The following GPR139 variants were observed in gnomAD, a reference collection of about 807,000 sequenced individuals.
GPR139 encodes probable G protein-coupled receptor 139.
GPR139 carries 12 observed loss-of-function variants against 25.8 expected under a neutral mutation model. The observed-to-expected ratio is 0.47, with a 90% CI of 0.30 to 0.75. The LOEUF (loss-of-function observed/expected upper bound fraction) is 0.75. Among genes scored for constraint, GPR139 ranks in the 30% least tolerant of loss-of-function variants. The pLI is 0.07. For missense variants in GPR139, 380 were observed against 450.2 expected (o/e 0.84, Z 1.41); for synonymous variants, 184 against 179.9 (o/e 1.02, Z -0.18).
chr16:20,062,790 A>G (rs959215553), intron 1 of GPR139, among the ~76,000 whole-genome samples: 1 of 152,258 alleles, frequency 6.6e-6, no homozygotes, highest in Non-Finnish European at 1.5e-5. Context: ...GATAATTTTA[A>G]CAATATATTT....
chr16:20,055,884 C>G (rs1037734277), intron 1 of GPR139, among the ~76,000 whole-genome samples: 14 of 152,206 alleles, frequency 9.2e-5, no homozygotes, highest in African/African-American at 2.9e-4. Flanking sequence ...CCTCAGTTTT[C>G]TCATCTGTAG....
chr16:20,044,994 ATTTT>A (rs10581585), intron 1 of GPR139, among the ~76,000 whole-genome samples: 13 of 86,300 alleles, frequency 1.5e-4, no homozygotes, highest in South Asian at 9.0e-4. Context: ...CACTTGCACT[ATTTT>A]TTTTTTTTTT....
At chr16:20,042,606 A>G (rs2057340183) in intron 1 of GPR139, among the ~76,000 whole-genome samples, 1 of 152,162 alleles carries the variant, frequency 6.6e-6, no homozygotes. Flanking sequence ...TGTCTCTTGC[A>G]TCCTCTGAAA....
rs777375776 is a variant in GPR139 at position 20,032,209 on chromosome 16, G to A, written c.588C>T (p.Cys196=). The A allele has an allele frequency of 1.2e-6, 2 of 1,614,106 alleles. No homozygotes were observed. Among genetic ancestry groups the A allele is most frequent in the African/African-American group, 2.7e-5 (2 of 74,930 alleles). The part of the protein sequence containing the change: ...IHCFTVYLVP[C]SIFFILNSII... ...TTGAGTTCAAGATGAAGAAGATGGA[G>A]CAGGGCACCAGGTAGACGGTGAAGC... The change falls in exon 2 of 2, where the codon TGC becomes TGT. Residue 196 remains cysteine, a synonymous_variant. Coordinates refer to ENST00000570682, the MANE Select transcript of GPR139 (RefSeq NM_001002911.4).
intron 1 of GPR139, among the ~76,000 whole-genome samples, chr16:20,071,707 G>A (rs1242858545): frequency 6.6e-6 from 1 of 152,130 alleles, no homozygotes; most frequent in African/African-American, 2.4e-5. Flanking sequence ...GGGATGTGAA[G>A]GTGCGAGGTA....
rs572767034 is a variant in GPR139 at position 20,030,203 on chromosome 16, A to G, written c.*1532T>C. Among the ~76,000 whole-genome samples, 1 of 152,316 alleles carries G rather than the reference A, an allele frequency of 6.6e-6. No individual in the cohort carries two copies. The highest frequency in any genetic ancestry group is 1.5e-5 in the Non-Finnish European group (1 of 68,030). On this transcript the variant is annotated 3_prime_UTR_variant, in exon 2 of 2. Transcript: ENST00000570682. ...GCAAATTCCCTTAAAAAAGATAGAC[A>G]TGTCTTCCAACTTAGGGACAAAATG...
chr16:20,053,368 G>A (rs1567238382), intron 1 of GPR139, among the ~76,000 whole-genome samples: 2 of 152,162 alleles, frequency 1.3e-5, no homozygotes, highest in Non-Finnish European at 2.9e-5. Flanking sequence ...AGGAGGAAGA[G>A]GATCTTCCCT....
In GPR139 at chr16:20,029,490, T is replaced by TAA. The variant is rs2141197976; in HGVS notation, c.*2244_*2245insTT. Among the ~76,000 whole-genome samples the TAA allele has an allele frequency of 6.7e-6, 1 of 149,102 alleles. No homozygotes were observed. Among genetic ancestry groups the TAA allele is most frequent in the East Asian group, 1.9e-4 (1 of 5,152 alleles). On this transcript the variant is annotated 3_prime_UTR_variant, in exon 2 of 2. Coordinates refer to ENST00000570682, the MANE Select transcript of GPR139 (RefSeq NM_001002911.4). The stretch of plus-strand genomic sequence containing the variant: ...TTTAAAAAATAAATAAATAAATATA[T>TAA]ATATATATATATATTCAGTATAGGT...
rs936702566 is a variant in GPR139 at position 20,073,032 on chromosome 16, C to G, written c.127+458G>C. ...CTTCATCTCGTGTCAGGCGGGGACACGCAGAGGGGCAGAGGTGCCCCAAGT... is the reference window on the plus strand; with the variant it reads ...CTTCATCTCGTGTCAGGCGGGGACAGGCAGAGGGGCAGAGGTGCCCCAAGT... On this transcript the variant is annotated intron_variant, in intron 1 of 1. Coordinates refer to ENST00000570682, the MANE Select transcript of GPR139 (RefSeq NM_001002911.4). This position sits in a 1 kb window ranked among gnomAD's most constrained non-coding sequence, Gnocchi z 4.7. Among the ~76,000 whole-genome samples, 1 of 152,170 alleles carries G rather than the reference C, an allele frequency of 6.6e-6. No individual in the cohort carries two copies. The highest frequency in any genetic ancestry group is 2.4e-5 in the African/African-American group (1 of 41,444).
At position 20,073,679 on chromosome 16, in the gene GPR139, G is replaced by A; in HGVS notation, c.-63C>T. On this transcript the variant is annotated 5_prime_UTR_variant, in exon 1 of 2. Transcript: ENST00000570682. The surrounding 1 kb of genome is among the most constrained non-coding windows in gnomAD (Gnocchi z 4.7). ...GCCTGCCAGCCCGACTCTGGTCGCCGGCTCGGTGGTGGCGGCGGCGGAGGC... is the reference window on the plus strand; with the variant it reads ...GCCTGCCAGCCCGACTCTGGTCGCCAGCTCGGTGGTGGCGGCGGCGGAGGC... 1 of 1,485,980 alleles carries A rather than the reference G, an allele frequency of 6.7e-7. No homozygotes were observed. Among genetic ancestry groups the A allele is most frequent in the Non-Finnish European group, 8.9e-7 (1 of 1,120,654 alleles). The allele number at this position is 1,485,980 out of a possible 1,614,324, so 92.0% of individuals were successfully genotyped here. A position where few individuals can be genotyped will look rare whatever the true frequency, so the allele number is the denominator to read the frequency against.
rs1286790744 is a variant in GPR139 at position 20,032,467 on chromosome 16, T to A, written c.330A>T (p.Ser110=). 1 of 1,613,794 alleles carries A rather than the reference T, an allele frequency of 6.2e-7. No individual in the cohort carries two copies. The highest frequency in any genetic ancestry group is 8.5e-7 in the Non-Finnish European group (1 of 1,179,806). ...PDKIIEVLEF[S]SIHTSIWITV... ...TAATCCATATGGAGGTGTGGATGGA[T>A]GAGAATTCCAGCACTTCTATGATCT... Residue 110 remains serine, a synonymous_variant, in exon 2 of 2, where the codon TCA becomes TCT. Coordinates refer to ENST00000570682, the MANE Select transcript of GPR139 (RefSeq NM_001002911.4).
chr16:20,041,555 G>A (rs1306625863), intron 1 of GPR139, among the ~76,000 whole-genome samples: 1 of 151,956 alleles, frequency 6.6e-6, no homozygotes, highest in Non-Finnish European at 1.5e-5. Flanking sequence ...TGGACCCTGG[G>A]ATGGAGGAAG....
chr16:20,073,882 C>A lies in GPR139; in HGVS notation c.-266G>T. The stretch of plus-strand genomic sequence containing the variant: ...GGGGCCTCGGGAGGGGCTCCCGGAG[C>A]CCGTCTGTGCGCCTCCCACCTCGGA... On this transcript the variant is annotated 5_prime_UTR_variant, in exon 1 of 2. Coordinates refer to ENST00000570682, the MANE Select transcript of GPR139 (RefSeq NM_001002911.4). The surrounding 1 kb of genome is among the most constrained non-coding windows in gnomAD (Gnocchi z 4.7). The A allele has an allele frequency of 2.5e-6, 1 of 407,830 alleles. No individual in the cohort carries two copies. Among genetic ancestry groups the A allele is most frequent in the South Asian group, 4.0e-5 (1 of 24,858 alleles). The allele number at this position is 407,830 out of a possible 1,614,324, so 25.3% of individuals were successfully genotyped here. A position where few individuals can be genotyped will look rare whatever the true frequency, so the allele number is the denominator to read the frequency against.
chr16:20,055,342 G>T (rs2057385275), intron 1 of GPR139, among the ~76,000 whole-genome samples: 1 of 152,284 alleles, frequency 6.6e-6, no homozygotes, highest in East Asian at 1.9e-4. Context: ...AACCAAGGCA[G>T]GCTACATTTG....
chr16:20,060,145 C>G (rs986184597), intron 1 of GPR139, among the ~76,000 whole-genome samples: 3 of 152,150 alleles, frequency 2.0e-5, no homozygotes, highest in African/African-American at 7.2e-5. Context: ...TTGTCAGCAG[C>G]TCCGTGGAGC....
intron 1 of GPR139, among the ~76,000 whole-genome samples, chr16:20,054,200 CT>C (rs1449620181): frequency 6.6e-6 from 1 of 152,148 alleles, no homozygotes; most frequent in East Asian, 1.9e-4. Context: ...ACTGCAGGGG[CT>C]TCTTAGCTCT....
intron 1 of GPR139, among the ~76,000 whole-genome samples, chr16:20,043,632 A>C (rs1332232667): frequency 6.6e-6 from 1 of 152,170 alleles, no homozygotes; most frequent in Non-Finnish European, 1.5e-5. Flanking sequence ...TCATTTCACA[A>C]ATGAGGAAAC....
rs2057458797 is a variant in GPR139, at chr16:20,071,335, G to C, written c.127+2155C>G. Among the ~76,000 whole-genome samples, 3 of 152,324 alleles carry C rather than the reference G, an allele frequency of 2.0e-5. No individual in the cohort carries two copies. The South Asian group carries it at 6.2e-4, about 32-fold the overall frequency. ...AGCCTTGTGGGCTGTTAACAAAACT[G>C]CTAGCAGACCAAGACTTTTGGATAA... On this transcript the variant is annotated intron_variant, in intron 1 of 1. Coordinates refer to ENST00000570682, the MANE Select transcript of GPR139 (RefSeq NM_001002911.4).
At chr16:20,033,280 C>T (rs1259678252) in intron 1 of GPR139, among the ~76,000 whole-genome samples, 13 of 151,710 alleles carry the variant, frequency 8.6e-5, no homozygotes, top group African/African-American at 2.7e-4. Flanking sequence ...GCGATGCTGC[C>T]ATTATCCTCA....
Sources: gnomAD v4.1 joint callset for allele counts (sites outside exome capture counted in the v4.1 genomes callset) on GRCh38, gnomAD v4.1.1 for gene constraint, Gnocchi (gnomAD v3.1) non-coding constraint, MANE v1.5 for transcripts, NCBI Gene and HGNC (gene_info 2026-07-23, HGNC 2026-07-21) for gene names.